Variants in MAP3K7CL observed in about 807,000 individuals in gnomAD.
The protein encoded by MAP3K7CL is MAP3K7 C-terminal-like protein.
MAP3K7CL carries 16 observed loss-of-function variants against 18.6 expected under a neutral mutation model. The ratio of observed to expected loss-of-function variants is 0.86; its 90% confidence interval spans 0.58 to 1.31. The LOEUF (loss-of-function observed/expected upper bound fraction) is 1.31. MAP3K7CL is among the 50% of genes most tolerant of loss of function. The pLI is 0.00. For synonymous variants in MAP3K7CL, 65 were observed against 66.8 expected, an observed-to-expected ratio of 0.97 and a Z score of 0.13; for missense variants, 163 against 174.4, an observed-to-expected ratio of 0.93 and a Z score of 0.37.
At chr21:29,091,055 G>C (rs2086018156) in intron 1 of MAP3K7CL, among the ~76,000 whole-genome samples, 1 of 151,970 alleles carries the variant, frequency 6.6e-6, no homozygotes. Context: ...TTTGAAATCT[G>C]CTGTGAATTT....
chr21:29,147,480 A>G (rs941842715), intron 2 of MAP3K7CL, among the ~76,000 whole-genome samples: 1 of 151,770 alleles, frequency 6.6e-6, no homozygotes, highest in Non-Finnish European at 1.5e-5. Flanking sequence ...ATCTTATTGT[A>G]TCTGTACTGT....
intron 4 of MAP3K7CL, among the ~76,000 whole-genome samples, chr21:29,124,110 T>C (rs2086642099): frequency 6.6e-6 from 1 of 151,928 alleles, no homozygotes; most frequent in South Asian, 2.1e-4. Flanking sequence ...ATCCCAGCAC[T>C]TTGGGAGGCT....
intron 4 of MAP3K7CL, among the ~76,000 whole-genome samples, chr21:29,104,967 A>T (rs1442938188): frequency 1.3e-5 from 2 of 152,208 alleles, no homozygotes; most frequent in African/African-American, 4.8e-5. Flanking sequence ...CAGGGTTCTA[A>T]TTATTGAAGA....
chr21:29,085,252 C>T (rs2146481353), upstream of MAP3K7CL: 1 of 152,322 alleles, frequency 6.6e-6, no homozygotes, highest in South Asian at 2.1e-4. Context: ...ACAGCTAGAC[C>T]AACAAGGGCT....
In MAP3K7CL at chr21:29,113,001, GT is replaced by G. The variant is rs2086445799; in HGVS notation, c.370+20424del. 3.3e-5 allele frequency among the ~76,000 whole-genome samples: 5 copies of G among 152,208 alleles called. 1 individual carries two copies. Among genetic ancestry groups the G allele is most frequent in the African/African-American group, 9.6e-5 (4 of 41,520 alleles). On this transcript the variant is annotated intron_variant, in intron 4 of 6. Coordinates refer to the MAP3K7CL transcript ENST00000286791. ...TTTTTGTTACTTTTAGTAGAGACGG[GT>G]TTTGCCATGTTGGCCAGGCTAGTCT...
intron 4 of MAP3K7CL, among the ~76,000 whole-genome samples, chr21:29,093,670 A>G (rs188252833): frequency 1.8e-3 from 276 of 149,842 alleles, no homozygotes; most frequent in Non-Finnish European, 3.0e-3. Flanking sequence ...TTTTTTTTTT[A>G]GTAGAGATGG....
At chr21:29,136,965 C>T (rs758376460) in intron 2 of MAP3K7CL, among the ~76,000 whole-genome samples, 8 of 152,236 alleles carry the variant, frequency 5.3e-5, no homozygotes, top group Non-Finnish European at 1.0e-4. Context: ...CTACCTCCAA[C>T]ACTATTTGTA....
In MAP3K7CL at chr21:29,092,371, A is replaced by T. The variant is rs993548891; in HGVS notation, c.228-68A>T. 5.7e-6 allele frequency: 9 copies of T among 1,568,648 alleles called. No individual in the cohort carries two copies. The African/African-American group carries it at 8.1e-5, about 14-fold the overall frequency. ...TTCTTCTCAGGGAAAAAAAGAACTG[A>T]CATCAAAAGGTCTGTGCGGGGTCAT... On this transcript the variant is annotated intron_variant, in intron 3 of 6. Transcript: ENST00000286791.
chr21:29,082,585 G>T (rs935276698), upstream of MAP3K7CL, among the ~76,000 whole-genome samples: 9 of 152,134 alleles, frequency 5.9e-5, no homozygotes, highest in Admixed American at 2.0e-4. Flanking sequence ...AAAGTAGAGG[G>T]TGCCAAGGGA....
At chr21:29,117,588 T>A (rs889941441) in intron 4 of MAP3K7CL, among the ~76,000 whole-genome samples, 1 of 152,268 alleles carries the variant, frequency 6.6e-6, no homozygotes, top group African/African-American at 2.4e-5. Context: ...GTCATTTTTG[T>A]GTCTGCACAA....
In MAP3K7CL at chr21:29,125,057, C is replaced by A. The variant is rs187035083; in HGVS notation, c.371-24132C>A. On this transcript the variant is annotated intron_variant, in intron 4 of 6. Coordinates refer to the MAP3K7CL transcript ENST00000286791. ...TTGAATGCAGCATCACAATGCAAAC[C>A]CAGGTCTTCTGAATCTAGGTACCCT... Among the ~76,000 whole-genome samples the A allele has an allele frequency of 3.9e-5, 6 of 152,288 alleles. No homozygotes were observed. In the East Asian group the frequency reaches 1.2e-3, roughly 29 times the overall value.
chr21:29,090,713 C>CT (rs570644217), intron 1 of MAP3K7CL, among the ~76,000 whole-genome samples: 2 of 151,330 alleles, frequency 1.3e-5, no homozygotes, highest in Non-Finnish European at 2.9e-5. Flanking sequence ...ATTTTAGTGA[C>CT]TTTTTTTGCA....
intron 4 of MAP3K7CL, among the ~76,000 whole-genome samples, chr21:29,122,693 G>A (rs1390787494): frequency 6.6e-6 from 1 of 152,190 alleles, no homozygotes. Context: ...TGCTGCCAGT[G>A]GCGGCTGGGG....
Position 29,100,700 on chromosome 21 carries a change from C to CT in MAP3K7CL, c.370+8146dup, listed in dbSNP as rs34749282. Among the ~76,000 whole-genome samples the CT allele has an allele frequency of 5.8e-3, 398 of 68,700 alleles. 36 individuals carry two copies. Among genetic ancestry groups the CT allele is most frequent in the East Asian group, 0.014 (31 of 2,278 alleles). The allele number at this position is 68,700 out of a possible 152,430, so 45.1% of individuals were successfully genotyped here. ...AACATTAGCAGCTTAAAACAGCAAACTTTTTTTTTTTTTTTTTTTTTTTTT... is the reference window on the plus strand; with the variant it reads ...AACATTAGCAGCTTAAAACAGCAAACTTTTTTTTTTTTTTTTTTTTTTTTTT... On this transcript the variant is annotated intron_variant, in intron 4 of 6. Coordinates refer to the MAP3K7CL transcript ENST00000286791.
In MAP3K7CL at chr21:29,109,186, A is replaced by G. The variant is rs754005551; in HGVS notation, c.370+16605A>G. 6 of 1,535,404 alleles carry G rather than the reference A, an allele frequency of 3.9e-6. No individual in the cohort carries two copies. In the South Asian group the frequency reaches 7.1e-5, roughly 18 times the overall value. On this transcript the variant is annotated intron_variant, in intron 4 of 6. Transcript: ENST00000286791. ...CTTTCCACCAGTGCGGACTGCAGGTATGGACATAGGGAAGGGTGGGTAAGT... is the reference window on the plus strand; with the variant it reads ...CTTTCCACCAGTGCGGACTGCAGGTGTGGACATAGGGAAGGGTGGGTAAGT...
chr21:29,157,134 C>T (rs896754724), intron 3 of MAP3K7CL, among the ~76,000 whole-genome samples: 1 of 152,086 alleles, frequency 6.6e-6, no homozygotes, highest in Non-Finnish European at 1.5e-5. Flanking sequence ...TGGGTAAAAA[C>T]GCATATGGTA....
intron 4 of MAP3K7CL, among the ~76,000 whole-genome samples, chr21:29,123,610 G>A (rs1394045251): frequency 1.3e-5 from 2 of 152,188 alleles, no homozygotes; most frequent in African/African-American, 4.8e-5. Context: ...AAACTTAGCA[G>A]TCCATCATGT....
intron 4 of MAP3K7CL, among the ~76,000 whole-genome samples, chr21:29,166,425 C>T (rs776944657): frequency 6.6e-5 from 10 of 152,182 alleles, no homozygotes; most frequent in South Asian, 2.1e-4. Context: ...CACTTGGACA[C>T]GTAGGTTGAT....
chr21:29,148,516 C>T (rs1443506673), intron 2 of MAP3K7CL, among the ~76,000 whole-genome samples: 1 of 152,196 alleles, frequency 6.6e-6, no homozygotes. Flanking sequence ...CAACAGCTGC[C>T]TATTGCCAAC....
Sources: allele counts gnomAD v4.1 joint callset (sites outside exome capture counted in the v4.1 genomes callset), GRCh38; gene constraint gnomAD v4.1.1; transcripts MANE v1.5; gene names NCBI Gene and HGNC (gene_info 2026-07-23, HGNC 2026-07-21).